Variants in FGF1 observed in about 807,000 individuals in gnomAD.
The protein encoded by FGF1 is beta-endothelial cell growth factor.
In FGF1, 9 loss-of-function variants were observed where a neutral mutation model predicts 13.4. That is an observed-to-expected ratio of 0.67 (90% CI 0.40 to 1.17). The LOEUF (loss-of-function observed/expected upper bound fraction) is 1.17, where lower values mean the gene tolerates loss of function less well. Ranked by LOEUF, FGF1 falls within the 50% of genes most tolerant of loss-of-function variation. The pLI, the probability that FGF1 is intolerant of heterozygous loss-of-function variation, is 0.01. For synonymous variants in FGF1, 93 were observed against 79.0 expected (o/e 1.18, Z -0.94); for missense variants, 156 against 192.7 (o/e 0.81, Z 1.13).
chr5:142,622,215 A>G (rs1761767506), intron 1 of FGF1, among the ~76,000 whole-genome samples: 1 of 152,218 alleles, frequency 6.6e-6, no homozygotes, highest in Non-Finnish European at 1.5e-5. Flanking sequence ...CGTTTACTTC[A>G]CTGACTCCTT....
chr5:142,648,349 C>T (rs1766567509), intron 1 of FGF1, among the ~76,000 whole-genome samples: 1 of 152,090 alleles, frequency 6.6e-6, no homozygotes, highest in Non-Finnish European at 1.5e-5. Context: ...GAGTTCATGT[C>T]CTTTGCAGGG....
At chr5:142,606,399 G>A (rs186915443) in intron 2 of FGF1, among the ~76,000 whole-genome samples, 297 of 151,480 alleles carry the variant, frequency 2.0e-3, no homozygotes, top group African/African-American at 6.8e-3. Flanking sequence ...GGTAGATCAC[G>A]AGGTCAGAAG....
At chr5:142,654,463 T>G (rs765263205) in intron 1 of FGF1, among the ~76,000 whole-genome samples, 4 of 152,230 alleles carry the variant, frequency 2.6e-5, no homozygotes, top group Non-Finnish European at 5.9e-5. Flanking sequence ...AGTAGAAAGA[T>G]TCTTACTTTT....
rs572277712 is a variant in FGF1 at position 142,653,814 on chromosome 5, C to T, written c.-35+32143G>A. On this transcript the variant is annotated intron_variant, in intron 1 of 3. Coordinates refer to ENST00000337706, the MANE Select transcript of FGF1 (RefSeq NM_000800.5). ...AGAGGCTTGAAAGTTCCACCTTGGGCCTGGTGCCGTGGCTCACGCCTGTAA... is the reference window on the plus strand; with the variant it reads ...AGAGGCTTGAAAGTTCCACCTTGGGTCTGGTGCCGTGGCTCACGCCTGTAA... Among the ~76,000 whole-genome samples, 216 of 152,308 alleles carry T rather than the reference C, an allele frequency of 1.4e-3. 2 individuals carry two copies. The highest frequency in any genetic ancestry group is 5.1e-3 in the African/African-American group (210 of 41,554).
chr5:142,645,457 A>G (rs2052006), intron 1 of FGF1, among the ~76,000 whole-genome samples: 30,706 of 152,144 alleles, frequency 0.2, 3,660 homozygotes, highest in Middle Eastern at 0.28. Context: ...GGGCTTTGGC[A>G]TCCAACTGAC....
intron 1 of FGF1, among the ~76,000 whole-genome samples, chr5:142,669,719 G>A (rs542474219): frequency 2.0e-5 from 3 of 152,178 alleles, no homozygotes; most frequent in Non-Finnish European, 2.9e-5. Context: ...GGCAGTGGAC[G>A]CGAGCTCTGG....
chr5:142,621,166 G>C (rs978400432), intron 1 of FGF1: 3 of 152,148 alleles, frequency 2.0e-5, no homozygotes, highest in African/African-American at 7.3e-5. Flanking sequence ...TTGATTTCCC[G>C]TTGTCTTTCC....
At chr5:142,642,143 C>T (rs1177166222) in intron 1 of FGF1, among the ~76,000 whole-genome samples, 1 of 152,166 alleles carries the variant, frequency 6.6e-6, no homozygotes, top group Admixed American at 6.5e-5. Context: ...AATAGGGCAT[C>T]CACCACTGTC....
intron 1 of FGF1, among the ~76,000 whole-genome samples, chr5:142,631,367 A>G (rs374637891): frequency 6.6e-5 from 10 of 152,228 alleles, no homozygotes; most frequent in African/African-American, 2.4e-4. Flanking sequence ...AAAAACACTT[A>G]TAAAAATAGA....
intron 2 of FGF1, among the ~76,000 whole-genome samples, chr5:142,696,512 G>A (rs1000851875): frequency 2.0e-5 from 3 of 152,172 alleles, no homozygotes; most frequent in African/African-American, 7.2e-5. Flanking sequence ...GAACTAGAAA[G>A]GGAAGCACCT....
At chr5:142,608,569 T>C (rs1377056144) in intron 2 of FGF1, among the ~76,000 whole-genome samples, 1 of 90,080 alleles carries the variant, frequency 1.1e-5, no homozygotes, top group Non-Finnish European at 2.0e-5. Flanking sequence ...TATATATATA[T>C]ATATATATAT....
At chr5:142,624,609 A>G (rs1412524179) in intron 1 of FGF1, among the ~76,000 whole-genome samples, 2 of 152,204 alleles carry the variant, frequency 1.3e-5, no homozygotes, top group Admixed American at 1.3e-4. Flanking sequence ...TTTTAATTCT[A>G]AAGACTCCCC....
intron 2 of FGF1, among the ~76,000 whole-genome samples, chr5:142,608,563 T>C (rs1387802297): frequency 1.8e-4 from 17 of 93,136 alleles, no homozygotes; most frequent in South Asian, 7.0e-4. Flanking sequence ...TATATATATA[T>C]ATATATATAT....
chr5:142,676,105 G>A (rs947738138), intron 1 of FGF1, among the ~76,000 whole-genome samples: 18 of 152,114 alleles, frequency 1.2e-4, no homozygotes, highest in African/African-American at 3.9e-4. Flanking sequence ...TGCTTAAAAG[G>A]CACAGGATAA....
rs1754864043 is a variant in FGF1, at chr5:142,594,521, A to G, written c.*769T>C. On this transcript the variant is annotated 3_prime_UTR_variant, in exon 4 of 4. Transcript: ENST00000337706. ...TCCCACACTCAGTCCCCAGATCCACATGAATTTCCCAGCTCTGATATCCTT... is the reference window on the plus strand; with the variant it reads ...TCCCACACTCAGTCCCCAGATCCACGTGAATTTCCCAGCTCTGATATCCTT... 1 of 152,222 alleles carries G rather than the reference A, an allele frequency of 6.6e-6. No homozygotes were observed. Among genetic ancestry groups the G allele is most frequent in the South Asian group, 2.1e-4 (1 of 4,814 alleles). 9.4% of individuals were successfully genotyped at this position (152,222 alleles called of 1,614,324 possible). A position where few individuals can be genotyped will look rare whatever the true frequency, so the allele number is the denominator to read the frequency against.
chr5:142,602,672 A>G (rs1436861813), intron 2 of FGF1, among the ~76,000 whole-genome samples: 1 of 151,034 alleles, frequency 6.6e-6, no homozygotes, highest in East Asian at 1.9e-4. Flanking sequence ...AAGACATACT[A>G]TCTCATACTA....
At chr5:142,696,046 A>G (rs1753061765) in intron 2 of FGF1, among the ~76,000 whole-genome samples, 2 of 152,088 alleles carry the variant, frequency 1.3e-5, no homozygotes, top group Non-Finnish European at 2.9e-5. Context: ...AGCATGGGCA[A>G]TTTGGGAGCC....
intron 1 of FGF1, among the ~76,000 whole-genome samples, chr5:142,630,576 C>A (rs143653396): frequency 1.3e-3 from 202 of 152,314 alleles, no homozygotes; most frequent in African/African-American, 4.6e-3. Context: ...GCCTATGAGA[C>A]CCTGTATGGT....
At chr5:142,615,805 G>A (rs1760110976) in intron 1 of FGF1, among the ~76,000 whole-genome samples, 1 of 152,224 alleles carries the variant, frequency 6.6e-6, no homozygotes, top group Non-Finnish European at 1.5e-5. Flanking sequence ...GCCCCAATTT[G>A]CCCTTGATCA....
Sources: allele counts gnomAD v4.1 joint callset (sites outside exome capture counted in the v4.1 genomes callset), GRCh38; gene constraint gnomAD v4.1.1; transcripts MANE v1.5; gene names NCBI Gene and HGNC (gene_info 2026-07-23, HGNC 2026-07-21).